The following PDGFD variants were observed in gnomAD, a reference collection of about 807,000 sequenced individuals.
PDGFD encodes platelet derived growth factor D.
A neutral mutation model predicts 44.7 loss-of-function variants in PDGFD; 30 were observed. That is an observed-to-expected ratio of 0.67 (90% CI 0.50 to 0.91). The LOEUF is 0.91. Ranked by LOEUF, PDGFD falls within the 40% of genes least tolerant of loss-of-function variation. The probability of loss-of-function intolerance (pLI) is 0.00; values close to 1 mark genes in which losing one functional copy is unlikely to be tolerated. For missense variants in PDGFD, 445 were observed against 457.8 expected (o/e 0.97, Z 0.25); for synonymous variants, 173 against 168.4 (o/e 1.03, Z -0.21).
chr11:104,117,820 A>C (rs1861664256), intron 1 of PDGFD, among the ~76,000 whole-genome samples: 1 of 152,050 alleles, frequency 6.6e-6, no homozygotes, highest in Non-Finnish European at 1.5e-5. Flanking sequence ...AAAGCAATCT[A>C]CAAATTCAAC....
chr11:103,939,711 C>G (rs1218473761), intron 5 of PDGFD, among the ~76,000 whole-genome samples: 1 of 152,064 alleles, frequency 6.6e-6, no homozygotes, highest in Non-Finnish European at 1.5e-5. Context: ...TTCCGATACT[C>G]ATTATTAGTA....
At chr11:104,027,928 C>T (rs1324078193) in intron 1 of PDGFD, among the ~76,000 whole-genome samples, 1 of 152,042 alleles carries the variant, frequency 6.6e-6, no homozygotes, top group African/African-American at 2.4e-5. Context: ...CGGTGGCTCA[C>T]GCTTGTAATC....
chr11:104,000,126 G>A lies in PDGFD; in HGVS notation c.254C>T (p.Ser85Phe). The A allele has an allele frequency of 6.2e-7, 1 of 1,614,024 alleles. No homozygotes were observed. The highest frequency in any genetic ancestry group is 8.5e-7 in the Non-Finnish European group (1 of 1,180,008). ...RNLLLTWRLHSQENTRIQLVF... is the reference protein window; with the variant it reads ...RNLLLTWRLHFQENTRIQLVF... Reference sequence around the variant, plus strand: ...TAGCTGTATCCGTGTATTCTCCTGAGAGTGAAGCCGCCATGTCAGGAGCAG... The same window carrying A: ...TAGCTGTATCCGTGTATTCTCCTGAAAGTGAAGCCGCCATGTCAGGAGCAG... The change falls in exon 2 of 7, where the codon TCT becomes TTT. Residue 85 changes from serine (S) to phenylalanine (F), a missense_variant. Physicochemically the swap from Ser to Phe is radical, Grantham distance 155 (BLOSUM62 -2). Transcript: ENST00000393158.
intron 1 of PDGFD, among the ~76,000 whole-genome samples, chr11:104,107,110 A>G (rs367773830): frequency 6.6e-6 from 1 of 152,268 alleles, no homozygotes; most frequent in East Asian, 1.9e-4. Flanking sequence ...AGAATATAAA[A>G]TGTGACAAAG....
At chr11:103,918,553 C>A (rs1003145287) in intron 6 of PDGFD, among the ~76,000 whole-genome samples, 2 of 152,166 alleles carry the variant, frequency 1.3e-5, no homozygotes, top group Non-Finnish European at 2.9e-5. Context: ...GGGATAAGAG[C>A]AAGAGCCTGG....
At chr11:104,042,480 G>A (rs1284867084) in intron 1 of PDGFD, among the ~76,000 whole-genome samples, 2 of 152,140 alleles carry the variant, frequency 1.3e-5, no homozygotes, top group African/African-American at 4.8e-5. Flanking sequence ...TCTTACTACA[G>A]CAATGAATGT....
At chr11:104,148,039 T>C (rs1206059500) in intron 1 of PDGFD, among the ~76,000 whole-genome samples, 1 of 152,194 alleles carries the variant, frequency 6.6e-6, no homozygotes, top group Non-Finnish European at 1.5e-5. Context: ...GCTGCTGTTT[T>C]TATTAGAAAC....
chr11:104,147,182 T>A (rs1279929824), intron 1 of PDGFD, among the ~76,000 whole-genome samples: 1 of 152,176 alleles, frequency 6.6e-6, no homozygotes, highest in Non-Finnish European at 1.5e-5. Context: ...GCCTTTCCAA[T>A]CTTGTGTGCT....
rs568020236 is a variant in PDGFD, at chr11:103,939,056, A to G, written c.772+4396T>C. 2.4e-4 allele frequency among the ~76,000 whole-genome samples: 37 copies of G among 152,258 alleles called. No individual in the cohort carries two copies. The East Asian group carries it at 6.8e-3, about 28-fold the overall frequency. On this transcript the variant is annotated intron_variant, in intron 5 of 6. Transcript: ENST00000393158. ...GATGTGGGCTCTTTTTTGGTTCCAC[A>G]TGAACTTTAAAGTAGTTTTTTCCAA...
chr11:104,009,283 A>G (rs922205129), intron 1 of PDGFD, among the ~76,000 whole-genome samples: 2 of 152,100 alleles, frequency 1.3e-5, no homozygotes, highest in African/African-American at 4.8e-5. Flanking sequence ...TTGCTGTTAT[A>G]TATGGGGGCT....
intron 1 of PDGFD, among the ~76,000 whole-genome samples, chr11:104,095,946 C>A (rs931167096): frequency 1.3e-5 from 2 of 152,102 alleles, no homozygotes; most frequent in Non-Finnish European, 2.9e-5. Context: ...TATTCCACAG[C>A]CTGTACTTTG....
chr11:104,115,284 C>T (rs1861617883), intron 1 of PDGFD, among the ~76,000 whole-genome samples: 2 of 146,668 alleles, frequency 1.4e-5, no homozygotes, highest in Admixed American at 6.9e-5. Flanking sequence ...TATGTATATA[C>T]ATATATATAT....
At chr11:103,929,179 T>C (rs1858362383) in intron 5 of PDGFD, among the ~76,000 whole-genome samples, 1 of 152,186 alleles carries the variant, frequency 6.6e-6, no homozygotes, top group African/African-American at 2.4e-5. Context: ...GTGAGTATTA[T>C]TTGCTAAGAG....
chr11:104,015,724 A>T (rs1859850774), intron 1 of PDGFD, among the ~76,000 whole-genome samples: 1 of 152,138 alleles, frequency 6.6e-6, no homozygotes, highest in African/African-American at 2.4e-5. Flanking sequence ...TATGCACTGA[A>T]CTCCAGAATG....
At chr11:104,090,959 C>T (rs1191998403) in intron 1 of PDGFD, among the ~76,000 whole-genome samples, 2 of 152,076 alleles carry the variant, frequency 1.3e-5, no homozygotes, top group Admixed American at 6.5e-5. Flanking sequence ...GATGTAGCAA[C>T]TTGGCCTGCA....
Position 103,964,283 on chromosome 11 carries a change from C to T in PDGFD, c.511-16559G>A, listed in dbSNP as rs1054290484. ...GATTTCCAACTGAAGAAGCTACATG[C>T]GGCTCAGCTACAGGTGATTAGCAGC... On this transcript the variant is annotated intron_variant, in intron 3 of 6. Transcript: ENST00000393158. 1.1e-4 allele frequency among the ~76,000 whole-genome samples: 16 copies of T among 152,216 alleles called. No homozygotes were observed. The East Asian group carries it at 2.1e-3, about 20-fold the overall frequency.
At position 103,992,523 on chromosome 11, in the gene PDGFD, G is replaced by T. The variant is rs368813538; in HGVS notation, c.510+3542C>A. On this transcript the variant is annotated intron_variant, in intron 3 of 6. Coordinates refer to ENST00000393158, the MANE Select transcript of PDGFD (RefSeq NM_025208.5). ...AGATGTAAAAGCAAAGGATAAGAAA[G>T]CTGTTTAATATTGCACCATTCCTAA... Among the ~76,000 whole-genome samples, 250 of 152,242 alleles carry T rather than the reference G, an allele frequency of 1.6e-3. 10 individuals carry two copies. In the South Asian group the frequency reaches 0.051, roughly 31 times the overall value.
intron 1 of PDGFD, among the ~76,000 whole-genome samples, chr11:104,122,464 C>T (rs933775987): frequency 2.6e-5 from 4 of 152,026 alleles, no homozygotes; most frequent in Non-Finnish European, 5.9e-5. Flanking sequence ...AAATCAGACA[C>T]TGCCTCCTCA....
At chr11:104,134,899 C>G (rs770004049) in intron 1 of PDGFD, among the ~76,000 whole-genome samples, 1 of 152,106 alleles carries the variant, frequency 6.6e-6, no homozygotes, top group Non-Finnish European at 1.5e-5. Context: ...TCATGACTTC[C>G]TACCTCACTG....
Sources: allele counts gnomAD v4.1 joint callset (sites outside exome capture counted in the v4.1 genomes callset), GRCh38; gene constraint gnomAD v4.1.1; transcripts MANE v1.5; gene names NCBI Gene and HGNC (gene_info 2026-07-23, HGNC 2026-07-21).